The following ROBO2 variants were observed in gnomAD, a reference collection of about 807,000 sequenced individuals.
ROBO2 encodes the protein roundabout guidance receptor 2.
A neutral mutation model predicts 160.8 loss-of-function variants in ROBO2; 53 were observed. That is an observed-to-expected ratio of 0.33 (90% CI 0.26 to 0.41). The LOEUF (loss-of-function observed/expected upper bound fraction) is 0.41. Ranked by LOEUF, ROBO2 falls within the 10% of genes least tolerant of loss-of-function variation. The probability of loss-of-function intolerance (pLI) is 1.00; values close to 1 mark genes in which losing one functional copy is unlikely to be tolerated. For missense variants in ROBO2, 1,577 were observed against 1,722.4 expected, an observed-to-expected ratio of 0.92 and a Z score of 1.49; for synonymous variants, 664 against 611.7, an observed-to-expected ratio of 1.09 and a Z score of -1.26.
At chr3:76,965,451 A>G (rs1414505241) in intron 2 of ROBO2, among the ~76,000 whole-genome samples, 1 of 152,100 alleles carries the variant, frequency 6.6e-6, no homozygotes, top group African/African-American at 2.4e-5. Flanking sequence ...TTATTCCCCA[A>G]TTGTTGCATA....
intron 2 of ROBO2, among the ~76,000 whole-genome samples, chr3:75,941,082 G>A (rs1473279434): frequency 6.6e-6 from 1 of 152,082 alleles, no homozygotes; most frequent in African/African-American, 2.4e-5. Context: ...GCACTACCAT[G>A]CCCAGCTAGT....
chr3:77,602,616 A>T, intron 20 of ROBO2, 125 bp downstream of exon 21: 1 of 1,159,136 alleles, frequency 8.6e-7, no homozygotes, highest in Non-Finnish European at 1.3e-6. Flanking sequence ...AAAAAAAGAT[A>T]CCAGCATGTT....
At chr3:76,467,650 TGG>T (rs1318467547) in intron 2 of ROBO2, among the ~76,000 whole-genome samples, 1 of 152,128 alleles carries the variant, frequency 6.6e-6, no homozygotes, top group African/African-American at 2.4e-5. Context: ...TCTATCTAGC[TGG>T]TGTCATTACA....
At chr3:77,286,576 G>T (rs1250480967) in intron 2 of ROBO2, among the ~76,000 whole-genome samples, 1 of 151,992 alleles carries the variant, frequency 6.6e-6, no homozygotes, top group African/African-American at 2.4e-5. Context: ...TTTTTTAAAA[G>T]AACTTTGCAA....
Position 76,165,057 on chromosome 3 carries a change from A to G in ROBO2, c.109+227455A>G, listed in dbSNP as rs533095221. 8.3e-4 allele frequency among the ~76,000 whole-genome samples: 6 copies of G among 7,228 alleles called. No individual in the cohort carries two copies. In the Non-Finnish European group the frequency reaches 0.022, roughly 26 times the overall value. The allele number at this position is 7,228 out of a possible 152,430, so 4.7% of individuals were successfully genotyped here. Reference sequence around the variant, plus strand: ...CCATATTTGACAACATACAGTCTACATATTTTTTTTTTACCACGGGAAAAA... The same window carrying G: ...CCATATTTGACAACATACAGTCTACGTATTTTTTTTTTACCACGGGAAAAA... On this transcript the variant is annotated intron_variant, in intron 2 of 26. Transcript: ENST00000487694.
At chr3:76,861,589 A>G (rs1015989903) in intron 2 of ROBO2, among the ~76,000 whole-genome samples, 23 of 152,086 alleles carry the variant, frequency 1.5e-4, no homozygotes, top group African/African-American at 5.6e-4. Context: ...CAAGTTTTCA[A>G]ATCACCACAT....
intron 2 of ROBO2, among the ~76,000 whole-genome samples, chr3:76,412,851 C>T (rs1461104870): frequency 6.6e-6 from 1 of 152,204 alleles, no homozygotes; most frequent in Non-Finnish European, 1.5e-5. Flanking sequence ...GACAATGGCC[C>T]TCTTCTCACA....
At chr3:77,466,151 A>T (rs2082739409) in intron 2 of ROBO2, among the ~76,000 whole-genome samples, 1 of 152,126 alleles carries the variant, frequency 6.6e-6, no homozygotes, top group Non-Finnish European at 1.5e-5. Context: ...AATCAATATG[A>T]TACGTTCTGA....
At position 77,559,631 on chromosome 3, in the gene ROBO2, A is replaced by G. The variant is rs150366240; in HGVS notation, c.1437+1482A>G. 6.5e-3 allele frequency among the ~76,000 whole-genome samples: 987 copies of G among 152,218 alleles called. 9 individuals are homozygous for G. The highest frequency in any genetic ancestry group is 0.022 in the African/African-American group (930 of 41,560). The stretch of plus-strand genomic sequence containing the variant: ...AAGAAAGGCAAAAATTTTTAACTAC[A>G]CATATTTCCAAATGATCACAATTTG... On this transcript the variant is annotated intron_variant, in intron 9 of 25. Transcript: ENST00000461745.
intron 19 of ROBO2, among the ~76,000 whole-genome samples, chr3:77,599,880 A>T (rs1300732485): frequency 6.6e-6 from 1 of 152,190 alleles, no homozygotes; most frequent in African/African-American, 2.4e-5. Context: ...TAAATCCCAT[A>T]TGCTCCTGTC....
At chr3:77,404,595 A>G (rs1263228459) in intron 2 of ROBO2, among the ~76,000 whole-genome samples, 1 of 152,220 alleles carries the variant, frequency 6.6e-6, no homozygotes, top group East Asian at 1.9e-4. Flanking sequence ...GAAATATGAA[A>G]GAAGGAAAAT....
intron 2 of ROBO2, among the ~76,000 whole-genome samples, chr3:77,124,836 C>T (rs2075161668): frequency 6.6e-6 from 1 of 151,970 alleles, no homozygotes; most frequent in Non-Finnish European, 1.5e-5. Context: ...TTCCTCCCTC[C>T]CTTCTTCCCT....
chr3:76,152,957 G>C (rs1577072567), intron 2 of ROBO2, among the ~76,000 whole-genome samples: 1 of 152,138 alleles, frequency 6.6e-6, no homozygotes, highest in Non-Finnish European at 1.5e-5. Flanking sequence ...CTAAATTCCA[G>C]AAATAGAACA....
chr3:76,833,456 TC>T (rs1258715333), intron 2 of ROBO2, among the ~76,000 whole-genome samples: 1 of 152,178 alleles, frequency 6.6e-6, no homozygotes, highest in Admixed American at 6.6e-5. Context: ...CTGAGAATTT[TC>T]AAGAAATAAA....
At position 77,090,323 on chromosome 3, in the gene ROBO2, C is replaced by CTTTTTTTTT. The variant is rs542280937; in HGVS notation, c.62-7651_62-7643dup. On this transcript the variant is annotated intron_variant, in intron 1 of 25. Coordinates refer to ENST00000461745, the Ensembl canonical transcript of ROBO2. Reference sequence around the variant, plus strand: ...ATTTCTTTTAATCTTCTAAACCACTCTTTTTTTTTTTTTTTTTTTTTTTTT... The same window carrying CTTTTTTTTT: ...ATTTCTTTTAATCTTCTAAACCACTCTTTTTTTTTTTTTTTTTTTTTTTTTTTTTTTTTT... Among the ~76,000 whole-genome samples, 4 of 70,752 alleles carry CTTTTTTTTT rather than the reference C, an allele frequency of 5.7e-5. 1 individual carries two copies. The highest frequency in any genetic ancestry group is 1.8e-4 in the Admixed American group (1 of 5,554). 46.4% of individuals were successfully genotyped at this position (70,752 alleles called of 152,430 possible).
chr3:77,113,742 T>G (rs1340736474), intron 2 of ROBO2, among the ~76,000 whole-genome samples: 1 of 152,218 alleles, frequency 6.6e-6, no homozygotes, highest in Non-Finnish European at 1.5e-5. Context: ...CCTCACCCTA[T>G]GCATAAGAAA....
intron 2 of ROBO2, among the ~76,000 whole-genome samples, chr3:77,456,492 A>T (rs529645892): frequency 6.6e-6 from 1 of 152,192 alleles, no homozygotes; most frequent in Non-Finnish European, 1.5e-5. Flanking sequence ...TTGTGTGCAA[A>T]ACTTTCATTT....
intron 2 of ROBO2, among the ~76,000 whole-genome samples, chr3:77,180,293 T>A (rs2080594903): frequency 6.6e-6 from 1 of 151,216 alleles, no homozygotes; most frequent in Admixed American, 6.6e-5. Context: ...GAAGGAAAAG[T>A]TTAACAACAA....
At chr3:76,762,450 T>G (rs561548925) in intron 2 of ROBO2, among the ~76,000 whole-genome samples, 2 of 151,412 alleles carry the variant, frequency 1.3e-5, no homozygotes, top group East Asian at 2.0e-4. Flanking sequence ...CAGCTGTTTT[T>G]TTTTTTTTTT....
Sources: allele counts gnomAD v4.1 joint callset (sites outside exome capture counted in the v4.1 genomes callset), GRCh38; gene constraint gnomAD v4.1.1; transcripts MANE v1.5; gene names NCBI Gene and HGNC (gene_info 2026-07-23, HGNC 2026-07-21).